Variants in LRRC71 observed in about 807,000 individuals in gnomAD.
The protein encoded by LRRC71 is leucine-rich repeat-containing protein 71.
LRRC71 carries 54 observed loss-of-function variants against 66.6 expected under a neutral mutation model. That is an observed-to-expected ratio of 0.81 (90% CI 0.65 to 1.02). The LOEUF (loss-of-function observed/expected upper bound fraction) is 1.02. Among genes scored for constraint, LRRC71 ranks in the 50% least tolerant of loss-of-function variants. LRRC71 has a pLI of 0.00. For missense variants in LRRC71, 724 were observed against 718.0 expected (o/e 1.01, Z -0.10); for synonymous variants, 323 against 303.9 (o/e 1.06, Z -0.65).
At chr1:156,939,779 C>T in the LRRC71 span, 1 of 1,613,914 alleles carries the variant, frequency 6.2e-7, no homozygotes, top group Non-Finnish European at 8.5e-7. Flanking sequence ...GAGCCTGGGT[C>T]CCAGGGGTGA....
downstream of LRRC71, chr1:156,934,847 T>A (rs1272122110): frequency 1.3e-5 from 2 of 151,420 alleles, no homozygotes; most frequent in Non-Finnish European, 2.9e-5. Context: ...CACTGAAGGA[T>A]ATTTAACTTT....
downstream of LRRC71, among the ~76,000 whole-genome samples, chr1:156,936,497 A>ATATATATATATATATATATAT (rs1553192805): frequency 5.9e-5 from 2 of 33,938 alleles, no homozygotes; most frequent in African/African-American, 1.5e-4. Context: ...AAAAAAAAAA[A>ATATATATATATATATATATAT]ATATATATAT....
intron 14 of LRRC71, 79 bp downstream of exon 14, chr1:156,932,624 C>T: frequency 6.2e-7 from 1 of 1,613,678 alleles, no homozygotes; most frequent in Non-Finnish European, 8.5e-7. Context: ...CTGCAGGCAG[C>T]TTCTGTCTCC....
chr1:156,929,529 T>C (rs1653951353), intron 10 of LRRC71, 100 bp downstream of exon 10: 1 of 1,564,136 alleles, frequency 6.4e-7, no homozygotes, highest in Non-Finnish European at 8.7e-7. Context: ...ACATGGGCCT[T>C]TGAAGTTCCC....
chr1:156,935,714 G>A (rs1654922848), downstream of LRRC71: 1 of 441,180 alleles, frequency 2.3e-6, no homozygotes, highest in South Asian at 3.6e-5. Flanking sequence ...TGTGGGGTGA[G>A]GGCAGACCAT....
At chr1:156,932,768 C>T in intron 14 of LRRC71, 85 bp from the exon 15 acceptor site, 2 of 1,471,380 alleles carry the variant, frequency 1.4e-6, no homozygotes, top group Non-Finnish European at 1.9e-6. Flanking sequence ...CCTAACCCAC[C>T]CTGCCCCAGG....
intron 3 of LRRC71, 27 bp from the exon 4 acceptor site, chr1:156,924,616 A>G: frequency 6.8e-7 from 1 of 1,479,164 alleles, no homozygotes; most frequent in Middle Eastern, 1.8e-4. Context: ...CCCAGGTCTG[A>G]GGCACCTGCC....
At position 156,927,234 on chromosome 1, in the gene LRRC71, A is replaced by G. The variant is rs904673095; in HGVS notation, c.626A>G (p.Glu209Gly). 1 of 1,613,510 alleles carries G rather than the reference A, an allele frequency of 6.2e-7. No homozygotes were observed. Among genetic ancestry groups the G allele is most frequent in the African/African-American group, 1.3e-5 (1 of 74,894 alleles). ...KVSLEGNPLP[E>G]QSYHKLMALD... ...TCTCTGGAGGGGAACCCACTGCCGG[A>G]GCAGTCCTATCACAAGCTCATGGCC... is the stretch of plus-strand genomic sequence containing the variant. Residue 209 changes from glutamate to glycine, a missense_variant, in exon 6 of 15, where the codon GAG (glutamate) becomes GGG (glycine). Coordinates refer to ENST00000337428, the MANE Select transcript of LRRC71 (RefSeq NM_144702.3).
At chr1:156,924,329 C>G in intron 2 of LRRC71, 95 bp from the exon 3 acceptor site, 6 of 1,468,298 alleles carry the variant, frequency 4.1e-6, no homozygotes, top group Non-Finnish European at 5.4e-6. Context: ...TCCCCTCTGG[C>G]GGTGTCCTCC....
chr1:156,938,478 G>A, the LRRC71 span: 1 of 1,613,742 alleles, frequency 6.2e-7, no homozygotes, highest in African/African-American at 1.3e-5. Flanking sequence ...CCACTCTCTG[G>A]TAGTGCAGGG....
intron 6 of LRRC71, 43 bp from the exon 7 acceptor site, chr1:156,927,453 G>C (rs1392646561): frequency 2.0e-6 from 3 of 1,522,462 alleles, no homozygotes; most frequent in Non-Finnish European, 2.6e-6. Flanking sequence ...CGGACGCCCT[G>C]TACCTTTTCC....
chr1:156,936,848 T>C, downstream of LRRC71: 1 of 1,614,076 alleles, frequency 6.2e-7, no homozygotes, highest in South Asian at 1.1e-5. Context: ...TTCATGGCTG[T>C]TCCTGGAGTC....
At chr1:156,928,241 T>C (rs1653543150) in intron 9 of LRRC71, among the ~76,000 whole-genome samples, 1 of 152,228 alleles carries the variant, frequency 6.6e-6, no homozygotes, top group Non-Finnish European at 1.5e-5. Context: ...GGACACTAGA[T>C]TGAGACCACC....
chr1:156,923,691 T>TG (rs1396148264), intron 1 of LRRC71, among the ~76,000 whole-genome samples: 1 of 152,134 alleles, frequency 6.6e-6, no homozygotes. Flanking sequence ...CGCTTTGACC[T>TG]GGGGGTGGGG....
At chr1:156,928,058 C>G in intron 9 of LRRC71, 54 bp downstream of exon 9, 3 of 1,505,226 alleles carry the variant, frequency 2.0e-6, no homozygotes, top group Admixed American at 3.9e-5. Flanking sequence ...ACCCTCGAGC[C>G]CACTCCCCAA....
At chr1:156,925,284 C>G (rs1653023916) in intron 5 of LRRC71, among the ~76,000 whole-genome samples, 1 of 152,242 alleles carries the variant, frequency 6.6e-6, no homozygotes. Flanking sequence ...TTACCCTCCA[C>G]TCCCTCCCCA....
rs1654463370 is a variant in LRRC71, at chr1:156,932,124, T to C, written c.1441+97T>C. 4.0e-6 allele frequency: 4 copies of C among 990,498 alleles called. No individual in the cohort carries two copies. The Admixed American group carries it at 8.6e-5, about 21-fold the overall frequency. 61.4% of individuals were successfully genotyped at this position (990,498 alleles called of 1,614,324 possible). On this transcript the variant is annotated intron_variant, in intron 13 of 14. Transcript: ENST00000337428. ...CCCCGACTCTATGGAGCAGAGCTGG[T>C]CCTCCCATCTTTGGGCTACATGTCC... is the stretch of plus-strand genomic sequence containing the variant.
downstream of LRRC71, chr1:156,937,623 A>C: frequency 9.8e-7 from 1 of 1,021,492 alleles, no homozygotes; most frequent in Non-Finnish European, 1.4e-6. Flanking sequence ...ACAAACTCAG[A>C]GAACGTGGGC....
chr1:156,933,570 C>CTA (rs755133306), downstream of LRRC71, among the ~76,000 whole-genome samples: 1 of 152,208 alleles, frequency 6.6e-6, no homozygotes, highest in Non-Finnish European at 1.5e-5. Context: ...GGGTGCTAAA[C>CTA]GCTCAACATC....
Sources: allele counts gnomAD v4.1 joint callset (sites outside exome capture counted in the v4.1 genomes callset), GRCh38; gene constraint gnomAD v4.1.1; transcripts MANE v1.5; gene names NCBI Gene and HGNC (gene_info 2026-07-23, HGNC 2026-07-21).